The following UBE2E3 variants were observed in gnomAD, a reference collection of about 807,000 sequenced individuals.
The protein encoded by UBE2E3 is ubiquitin conjugating enzyme E2 E3, also known as ubiquitin-conjugating enzyme E2 E3.
In UBE2E3, 5 loss-of-function variants were observed where a neutral mutation model predicts 23.6. The observed-to-expected ratio is 0.21, with a 90% CI of 0.11 to 0.44. The LOEUF is 0.44. UBE2E3 is among the 20% of genes least tolerant of loss of function. UBE2E3 has a pLI of 0.99. For missense variants in UBE2E3, 81 were observed against 249.8 expected (o/e 0.32, Z 4.55); for synonymous variants, 78 against 87.5 (o/e 0.89, Z 0.60).
At chr2:181,028,083 A>G (rs924730863) in intron 3 of UBE2E3, among the ~76,000 whole-genome samples, 1 of 152,066 alleles carries the variant, frequency 6.6e-6, no homozygotes, top group African/African-American at 2.4e-5. Context: ...TTCTTATAAA[A>G]ATAATGGTTT....
chr2:181,006,076 TC>T (rs1293206349), intron 3 of UBE2E3, among the ~76,000 whole-genome samples: 35 of 152,184 alleles, frequency 2.3e-4, no homozygotes, highest in Non-Finnish European at 4.1e-4. Context: ...GCCTAGTCCT[TC>T]TGAAGAACAG....
chr2:181,027,021 T>G (rs562293308), intron 3 of UBE2E3, among the ~76,000 whole-genome samples: 1 of 152,066 alleles, frequency 6.6e-6, no homozygotes, highest in South Asian at 2.1e-4. Context: ...TAAAAAAATT[T>G]GTGCAGAGAA....
intron 3 of UBE2E3, among the ~76,000 whole-genome samples, chr2:181,054,721 T>G (rs1390499825): frequency 6.6e-6 from 1 of 151,826 alleles, no homozygotes; most frequent in Non-Finnish European, 1.5e-5. Context: ...AAAAAAAATC[T>G]AGGCTGCAGT....
intron 3 of UBE2E3, among the ~76,000 whole-genome samples, chr2:181,032,479 A>C (rs1374574330): frequency 2.0e-5 from 3 of 152,194 alleles, no homozygotes; most frequent in Non-Finnish European, 2.9e-5. Context: ...AAGATAATGA[A>C]GTTTCAAAGA....
chr2:181,033,299 C>A (rs1686147142), intron 3 of UBE2E3, among the ~76,000 whole-genome samples: 1 of 152,166 alleles, frequency 6.6e-6, no homozygotes, highest in Non-Finnish European at 1.5e-5. Context: ...GCTACAGTAA[C>A]CAAAACAGCA....
At chr2:181,018,858 A>G (rs1397944576) in intron 3 of UBE2E3, among the ~76,000 whole-genome samples, 2 of 152,238 alleles carry the variant, frequency 1.3e-5, no homozygotes, top group East Asian at 3.9e-4. Context: ...CCTCATAAAC[A>G]ATTACCTGAG....
intron 3 of UBE2E3, among the ~76,000 whole-genome samples, chr2:181,046,515 T>C (rs1413098973): frequency 6.6e-6 from 1 of 152,168 alleles, no homozygotes; most frequent in African/African-American, 2.4e-5. Context: ...ATAGCCTGTC[T>C]TAAAGGCAGA....
intron 3 of UBE2E3, among the ~76,000 whole-genome samples, chr2:180,998,537 T>C (rs4666668): frequency 0.22 from 33,013 of 152,012 alleles, 4,158 homozygotes; most frequent in Non-Finnish European, 0.28. Context: ...TCATGTTTCC[T>C]ACTTGATTTT....
At chr2:181,059,072 AATG>A (rs1687061549) in intron 4 of UBE2E3, among the ~76,000 whole-genome samples, 1 of 151,784 alleles carries the variant, frequency 6.6e-6, no homozygotes, top group African/African-American at 2.4e-5. Flanking sequence ...TGATGAATAT[AATG>A]ATTATAAATT....
intron 5 of UBE2E3, 117 bp from the exon 6 acceptor site, chr2:181,062,674 G>T: frequency 2.3e-6 from 1 of 432,006 alleles, no homozygotes; most frequent in Non-Finnish European, 4.2e-6. Context: ...TGAAAATTTA[G>T]CTATTATATA....
At chr2:181,059,979 G>A (rs1189967026) in intron 4 of UBE2E3, among the ~76,000 whole-genome samples, 2 of 151,674 alleles carry the variant, frequency 1.3e-5, no homozygotes, top group Admixed American at 6.6e-5. Flanking sequence ...AGACTTGGCA[G>A]TGTTTGTTCT....
intron 3 of UBE2E3, among the ~76,000 whole-genome samples, chr2:181,052,553 AT>A (rs1349857811): frequency 1.3e-5 from 2 of 151,872 alleles, no homozygotes; most frequent in Admixed American, 6.6e-5. Flanking sequence ...AATTTTAAAA[AT>A]ATCTGAAAAT....
At chr2:181,025,947 A>G (rs1685869272) in intron 3 of UBE2E3, among the ~76,000 whole-genome samples, 1 of 151,964 alleles carries the variant, frequency 6.6e-6, no homozygotes, top group South Asian at 2.1e-4. Flanking sequence ...ACGTGTAATC[A>G]CATTTTGTCT....
intron 3 of UBE2E3, among the ~76,000 whole-genome samples, chr2:181,004,889 T>C (rs551231268): frequency 1.3e-5 from 2 of 152,326 alleles, no homozygotes; most frequent in South Asian, 4.1e-4. Context: ...GTATGATAAA[T>C]CTTCAGACAG....
At chr2:180,989,314 G>A (rs1684582558) in intron 3 of UBE2E3, among the ~76,000 whole-genome samples, 1 of 151,958 alleles carries the variant, frequency 6.6e-6, no homozygotes, top group Non-Finnish European at 1.5e-5. Context: ...ATTCATTTTT[G>A]TATCTTTTCC....
At chr2:181,039,379 T>A (rs1405784650) in intron 3 of UBE2E3, among the ~76,000 whole-genome samples, 8 of 152,042 alleles carry the variant, frequency 5.3e-5, no homozygotes, top group African/African-American at 1.9e-4. Context: ...TACTTTTAGT[T>A]CAAAAAGTGG....
intron 3 of UBE2E3, among the ~76,000 whole-genome samples, chr2:181,051,778 A>C (rs910706046): frequency 3.9e-5 from 6 of 151,922 alleles, no homozygotes; most frequent in African/African-American, 1.4e-4. Flanking sequence ...GTCCAACCTA[A>C]TGGAGTAACC....
chr2:181,055,448 C>G (rs1426573250), intron 3 of UBE2E3, among the ~76,000 whole-genome samples: 1 of 151,598 alleles, frequency 6.6e-6, no homozygotes, highest in Non-Finnish European at 1.5e-5. Flanking sequence ...CTGACCCCTT[C>G]CCATCTTGCC....
intron 3 of UBE2E3, among the ~76,000 whole-genome samples, chr2:181,046,031 G>A (rs1313599393): frequency 6.6e-6 from 1 of 152,096 alleles, no homozygotes; most frequent in Non-Finnish European, 1.5e-5. Context: ...ATCACTGTGA[G>A]GGCAAGGACC....
Sources: allele counts gnomAD v4.1 joint callset (sites outside exome capture counted in the v4.1 genomes callset), GRCh38; gene constraint gnomAD v4.1.1; transcripts MANE v1.5; gene names NCBI Gene and HGNC (gene_info 2026-07-23, HGNC 2026-07-21).